Variants in DLGAP2 observed in about 807,000 individuals in gnomAD.
The protein encoded by DLGAP2 is disks large-associated protein 2.
In DLGAP2, 26 loss-of-function variants were observed where a neutral mutation model predicts 100.3. That is an observed-to-expected ratio of 0.26 (90% CI 0.19 to 0.36). DLGAP2 has a LOEUF of 0.36. DLGAP2 is among the 10% of genes least tolerant of loss of function. The pLI, the probability that DLGAP2 is intolerant of heterozygous loss-of-function variation, is 1.00. For missense variants in DLGAP2, 1,858 were observed against 1,453.2 expected, an observed-to-expected ratio of 1.28 and a Z score of -4.53; for synonymous variants, 886 against 630.1, an observed-to-expected ratio of 1.41 and a Z score of -6.08.
chr8:1,582,314 A>T (rs73529638), intron 6 of DLGAP2, among the ~76,000 whole-genome samples: 493 of 27,832 alleles, frequency 0.018, 56 homozygotes, highest in African/African-American at 0.053. Context: ...ATAAAACCTT[A>T]AAAAAAAAAA....
chr8:1,105,982 G>C (rs1173885877), intron 2 of DLGAP2, among the ~76,000 whole-genome samples: 1 of 150,950 alleles, frequency 6.6e-6, no homozygotes, highest in Non-Finnish European at 1.5e-5. Context: ...TCTATTGAAG[G>C]AGGCCATTCT....
intron 2 of DLGAP2, among the ~76,000 whole-genome samples, chr8:1,133,142 T>A (rs1051094861): frequency 6.6e-6 from 1 of 152,172 alleles, no homozygotes; most frequent in South Asian, 2.1e-4. Flanking sequence ...AGCATTAGCT[T>A]CCTTGGCTAT....
At chr8:1,379,634 A>G (rs190981168) in intron 3 of DLGAP2, 283 of 152,232 alleles carry the variant, frequency 1.9e-3, no homozygotes, top group African/African-American at 6.4e-3. Context: ...AGTTGGGAAA[A>G]CTCAGTCCAG....
chr8:1,695,889 A>G (rs769261398), intron 13 of DLGAP2, among the ~76,000 whole-genome samples: 16 of 152,230 alleles, frequency 1.1e-4, no homozygotes, highest in Admixed American at 3.9e-4. Flanking sequence ...TCGGGCTCCC[A>G]GCCGCTGGCC....
At chr8:1,316,423 CGT>C (rs1563078615) in intron 3 of DLGAP2, among the ~76,000 whole-genome samples, 3,190 of 136,250 alleles carry the variant, frequency 0.023, 181 homozygotes, top group Non-Finnish European at 0.033. Context: ...GCGAGTGCAG[CGT>C]CTCTCCAACA....
At chr8:893,758 G>T (rs1221599214) in intron 1 of DLGAP2, among the ~76,000 whole-genome samples, 1 of 152,256 alleles carries the variant, frequency 6.6e-6, no homozygotes, top group African/African-American at 2.4e-5. Context: ...CACCAGCCCT[G>T]CCAGGTGCTG....
intron 2 of DLGAP2, chr8:1,002,149 C>G (rs967763913): frequency 6.6e-6 from 1 of 152,188 alleles, no homozygotes; most frequent in Non-Finnish European, 1.5e-5. Context: ...CGATCACTGG[C>G]TGAGAACTCA....
intron 1 of DLGAP2, among the ~76,000 whole-genome samples, chr8:832,562 T>C (rs1344162061): frequency 6.6e-6 from 1 of 152,274 alleles, no homozygotes; most frequent in Non-Finnish European, 1.5e-5. Context: ...AGTGATACTA[T>C]TAAAGTTTTC....
chr8:1,219,426 T>A (rs1417942265), intron 2 of DLGAP2, among the ~76,000 whole-genome samples: 1 of 152,222 alleles, frequency 6.6e-6, no homozygotes, highest in Non-Finnish European at 1.5e-5. Flanking sequence ...CATTTATTTA[T>A]GTTTGTTAAA....
At chr8:1,478,476 C>T (rs779826087) in intron 3 of DLGAP2, among the ~76,000 whole-genome samples, 8 of 152,216 alleles carry the variant, frequency 5.3e-5, no homozygotes, top group Non-Finnish European at 8.8e-5. Context: ...CAACAGCATC[C>T]GTGATTCTGG....
At chr8:1,022,289 G>C (rs554993619) in intron 2 of DLGAP2, among the ~76,000 whole-genome samples, 1 of 150,842 alleles carries the variant, frequency 6.6e-6, no homozygotes, top group East Asian at 2.0e-4. Flanking sequence ...CCCGTGCCGA[G>C]GTAGATGCTC....
intron 2 of DLGAP2, among the ~76,000 whole-genome samples, chr8:1,160,298 A>G (rs1180449715): frequency 1.3e-5 from 2 of 152,316 alleles, no homozygotes; most frequent in Middle Eastern, 3.4e-3. Context: ...AGTGATTGAC[A>G]GGTCCCGTGC....
At chr8:1,145,789 G>T (rs551320330) in intron 2 of DLGAP2, among the ~76,000 whole-genome samples, 1 of 126,566 alleles carries the variant, frequency 7.9e-6, no homozygotes, top group East Asian at 2.6e-4. Flanking sequence ...ATAGTCCCCA[G>T]AGTGTGATGT....
intron 2 of DLGAP2, among the ~76,000 whole-genome samples, chr8:1,083,848 T>A (rs1292025346): frequency 6.6e-6 from 1 of 152,244 alleles, no homozygotes; most frequent in African/African-American, 2.4e-5. Context: ...ATGAATTTTT[T>A]CTTAATATAG....
chr8:1,523,692 T>G (rs1398512550), intron 4 of DLGAP2, among the ~76,000 whole-genome samples: 3 of 152,192 alleles, frequency 2.0e-5, no homozygotes, highest in Non-Finnish European at 4.4e-5. Context: ...ATTTTATTTT[T>G]GTCAATTATG....
intron 2 of DLGAP2, among the ~76,000 whole-genome samples, chr8:946,922 C>T (rs561543031): frequency 9.8e-4 from 149 of 152,316 alleles, no homozygotes; most frequent in African/African-American, 3.5e-3. Flanking sequence ...AGCCACCGGC[C>T]GCCCTGTCCT....
At chr8:1,169,611 T>C (rs1797087349) in intron 2 of DLGAP2, among the ~76,000 whole-genome samples, 1 of 152,248 alleles carries the variant, frequency 6.6e-6, no homozygotes, top group African/African-American at 2.4e-5. Context: ...CCTTGTAAGC[T>C]GCATTCCTAG....
chr8:885,498 G>T (rs1015965552), intron 1 of DLGAP2, among the ~76,000 whole-genome samples: 1 of 152,140 alleles, frequency 6.6e-6, no homozygotes, highest in African/African-American at 2.4e-5. Context: ...GCTGAAGTTG[G>T]TTATCAGTTC....
In DLGAP2 at chr8:1,665,623, C is replaced by G. The variant is rs1480140971; in HGVS notation, c.1811-2706C>G. Among the ~76,000 whole-genome samples the G allele has an allele frequency of 3.9e-5, 6 of 152,314 alleles. No individual in the cohort carries two copies. In the South Asian group the frequency reaches 8.3e-4, roughly 21 times the overall value. ...TTTTACTACCCCTATTGCTGGGACT[C>G]AAAACTTCTTCGGAATCAATATTTC... On this transcript the variant is annotated intron_variant, in intron 8 of 14. Coordinates refer to ENST00000637795, the MANE Select transcript of DLGAP2 (RefSeq NM_001346810.2).
Sources: allele counts gnomAD v4.1 joint callset (sites outside exome capture counted in the v4.1 genomes callset), GRCh38; gene constraint gnomAD v4.1.1; transcripts MANE v1.5; gene names NCBI Gene and HGNC (gene_info 2026-07-23, HGNC 2026-07-21).